CHCHD6: variants seen among roughly 807,000 people sequenced by gnomAD.
CHCHD6 encodes MICOS complex subunit MIC25.
In CHCHD6, 28 loss-of-function variants were observed where a neutral mutation model predicts 32.3. The ratio of observed to expected loss-of-function variants is 0.87; its 90% CI spans 0.64 to 1.19. The LOEUF is 1.19. Ranked by LOEUF, CHCHD6 falls within the 50% of genes most tolerant of loss-of-function variation. The pLI, the probability that CHCHD6 is intolerant of heterozygous loss-of-function variation, is 0.00. For synonymous variants in CHCHD6, 122 were observed against 117.5 expected (o/e 1.04, Z -0.25); for missense variants, 333 against 307.0 (o/e 1.08, Z -0.63).
chr3:126,822,900 T>A (rs1940212734), intron 4 of CHCHD6, among the ~76,000 whole-genome samples: 1 of 152,124 alleles, frequency 6.6e-6, no homozygotes, highest in South Asian at 2.1e-4. Flanking sequence ...TTGTATATCT[T>A]GTATATTCAT....
At chr3:126,939,893 C>A (rs1049938066) in intron 6 of CHCHD6, among the ~76,000 whole-genome samples, 4 of 152,132 alleles carry the variant, frequency 2.6e-5, no homozygotes, top group Admixed American at 2.0e-4. Context: ...CAGGCCTCAT[C>A]TTCTGTGATT....
intron 4 of CHCHD6, chr3:126,780,388 C>T (rs1036148653): frequency 4.9e-6 from 2 of 412,088 alleles, no homozygotes; most frequent in Non-Finnish European, 9.6e-6. Flanking sequence ...AATAAAAAGG[C>T]TCCATCACTC....
chr3:126,744,375 G>C (rs1936407571), intron 4 of CHCHD6, among the ~76,000 whole-genome samples: 1 of 152,234 alleles, frequency 6.6e-6, no homozygotes, highest in Non-Finnish European at 1.5e-5. Flanking sequence ...GCAAGGTATA[G>C]AATCGAAAAG....
rs2078265156 is a variant in CHCHD6, at chr3:126,922,487, C to T, written c.566+7737C>T. ...GAACCCAGGTGTGGATGAGTCTTAC[C>T]TTGCTCTTTTCTGCTGTACTGAGAT... On this transcript the variant is annotated intron_variant, in intron 6 of 7. Coordinates refer to ENST00000290913, the MANE Select transcript of CHCHD6 (RefSeq NM_032343.3). 3.9e-5 allele frequency among the ~76,000 whole-genome samples: 6 copies of T among 152,270 alleles called. No homozygotes were observed. In the South Asian group the frequency reaches 1.2e-3, roughly 32 times the overall value.
chr3:126,837,557 C>G (rs997849582), intron 4 of CHCHD6, among the ~76,000 whole-genome samples: 3 of 152,186 alleles, frequency 2.0e-5, no homozygotes, highest in African/African-American at 7.2e-5. Flanking sequence ...GACCCTGTCT[C>G]ATTCATTCAT....
intron 4 of CHCHD6, among the ~76,000 whole-genome samples, chr3:126,828,190 C>T (rs1468982045): frequency 6.6e-6 from 1 of 152,168 alleles, no homozygotes; most frequent in Non-Finnish European, 1.5e-5. Context: ...TTCATCTTAC[C>T]TCGTGGTTTC....
intron 4 of CHCHD6, among the ~76,000 whole-genome samples, chr3:126,749,794 C>A (rs186267261): frequency 6.6e-6 from 1 of 152,252 alleles, no homozygotes; most frequent in East Asian, 1.9e-4. Flanking sequence ...CTGGACATAC[C>A]CTGTTGGCCA....
chr3:126,717,346 A>G (rs1433018043), intron 1 of CHCHD6, among the ~76,000 whole-genome samples: 1 of 152,220 alleles, frequency 6.6e-6, no homozygotes, highest in Non-Finnish European at 1.5e-5. Flanking sequence ...GGTCAGCTGC[A>G]CACTGCTCAC....
chr3:126,842,400 A>G (rs1559875751), intron 4 of CHCHD6, among the ~76,000 whole-genome samples: 1 of 152,184 alleles, frequency 6.6e-6, no homozygotes, highest in Non-Finnish European at 1.5e-5. Flanking sequence ...CATGGTTATA[A>G]TACATGTTCT....
At chr3:126,728,476 A>T (rs55994347) in intron 2 of CHCHD6, among the ~76,000 whole-genome samples, 21 of 152,106 alleles carry the variant, frequency 1.4e-4, no homozygotes, top group Non-Finnish European at 2.5e-4. Flanking sequence ...CTGGATTTGG[A>T]CCCACCCCAA....
chr3:126,942,983 C>G (rs911385828), intron 6 of CHCHD6, among the ~76,000 whole-genome samples: 1 of 152,044 alleles, frequency 6.6e-6, no homozygotes, highest in South Asian at 2.1e-4. Context: ...TTGTAGGGCT[C>G]TCTCTCTCTC....
chr3:126,826,024 C>G (rs964446963), intron 4 of CHCHD6, among the ~76,000 whole-genome samples: 1 of 152,174 alleles, frequency 6.6e-6, no homozygotes, highest in African/African-American at 2.4e-5. Flanking sequence ...TTTCATAATT[C>G]TAGATTTTGG....
At chr3:126,883,848 T>G (rs973403903) in intron 5 of CHCHD6, among the ~76,000 whole-genome samples, 5 of 152,354 alleles carry the variant, frequency 3.3e-5, no homozygotes, top group Non-Finnish European at 7.4e-5. Flanking sequence ...GAAAATACCT[T>G]TTCAAAGCCC....
chr3:126,948,083 A>G (rs1339175436), intron 6 of CHCHD6, among the ~76,000 whole-genome samples: 1 of 152,184 alleles, frequency 6.6e-6, no homozygotes, highest in Non-Finnish European at 1.5e-5. Flanking sequence ...ACGATCAGAG[A>G]TACATTGGTC....
chr3:126,909,897 A>G (rs2078061639), intron 5 of CHCHD6, among the ~76,000 whole-genome samples: 1 of 152,222 alleles, frequency 6.6e-6, no homozygotes, highest in African/African-American at 2.4e-5. Context: ...TCTGTGCTGC[A>G]GGGTTCCAGG....
chr3:126,812,315 G>GTT (rs11360867), intron 4 of CHCHD6, among the ~76,000 whole-genome samples: 1 of 113,238 alleles, frequency 8.8e-6, no homozygotes, highest in African/African-American at 3.2e-5. Flanking sequence ...GTCCATGTGT[G>GTT]TTTTTTTTTT....
rs76840062 is a variant in CHCHD6 at position 126,915,760 on chromosome 3, C to G, written c.566+1010C>G. Among the ~76,000 whole-genome samples the G allele has an allele frequency of 2.3e-4, 35 of 152,292 alleles. No individual in the cohort carries two copies. In the East Asian group the frequency reaches 6.8e-3, roughly 29 times the overall value. ...CAAACAGTCAGCATAGACCCAAAGG[C>G]ACAGAATAGGACAGGGAACAATGTA... On this transcript the variant is annotated intron_variant, in intron 6 of 7. Transcript: ENST00000290913.
chr3:126,782,882 T>A (rs998701225), intron 4 of CHCHD6, among the ~76,000 whole-genome samples: 1 of 152,160 alleles, frequency 6.6e-6, no homozygotes, highest in African/African-American at 2.4e-5. Flanking sequence ...GAAGGGGGAA[T>A]GGATGCTGGG....
rs538776158 is a variant in CHCHD6, at chr3:126,952,820, C to T, written c.567-4596C>T. On this transcript the variant is annotated intron_variant, in intron 6 of 7. Coordinates refer to ENST00000290913, the MANE Select transcript of CHCHD6 (RefSeq NM_032343.3). ...TCAGGCACAGGGGTTGGGAAGGAAC[C>T]ACATGGGGCCTCTGGACTCTGCTGT... Among the ~76,000 whole-genome samples, 5 of 152,238 alleles carry T rather than the reference C, an allele frequency of 3.3e-5. No individual in the cohort carries two copies. The South Asian group carries it at 1.0e-3, about 32-fold the overall frequency.
Sources: gnomAD v4.1 joint callset for allele counts (sites outside exome capture counted in the v4.1 genomes callset) on GRCh38, gnomAD v4.1.1 for gene constraint, MANE v1.5 for transcripts, NCBI Gene and HGNC (gene_info 2026-07-23, HGNC 2026-07-21) for gene names.